The following MAP3K2 variants were observed in gnomAD, a reference collection of about 807,000 sequenced individuals.
MAP3K2 encodes mitogen-activated protein kinase kinase kinase 2.
In MAP3K2, 24 loss-of-function variants were observed where a neutral mutation model predicts 80.3. The ratio of observed to expected loss-of-function variants is 0.30; its 90% CI spans 0.22 to 0.42. MAP3K2 has a LOEUF of 0.42. Ranked by LOEUF, MAP3K2 falls within the 10% of genes least tolerant of loss-of-function variation. The pLI is 1.00. For missense variants in MAP3K2, 608 were observed against 750.1 expected, an observed-to-expected ratio of 0.81 and a Z score of 2.21; for synonymous variants, 244 against 253.7, an observed-to-expected ratio of 0.96 and a Z score of 0.36.
Position 127,323,986 on chromosome 2 carries a change from T to C in MAP3K2, c.754A>G (p.Asn252Asp), listed in dbSNP as rs1380434835. Residue 252 changes from asparagine (N) to aspartate (D), a missense_variant, in exon 11 of 17, where the codon AAC becomes GAC. Coordinates refer to ENST00000682094, the MANE Select transcript of MAP3K2 (RefSeq NM_001371910.2). Reference sequence around the variant, plus strand: ...TTTCCAAATTTCTCAAAGATAGGGTTATCATAGTCTGTTAAGACATATAAG... The same window carrying C: ...TTTCCAAATTTCTCAAAGATAGGGTCATCATAGTCTGTTAAGACATATAAG... ...DNHQEFSDYDNPIFEKFGKGG... is the reference protein window; with the variant it reads ...DNHQEFSDYDDPIFEKFGKGG... 1 of 1,501,030 alleles carries C rather than the reference T, an allele frequency of 6.7e-7. No individual in the cohort carries two copies. 93.0% of individuals were successfully genotyped at this position (1,501,030 alleles called of 1,614,324 possible).
rs1685543500 is a variant in MAP3K2 at position 127,299,215 on chromosome 2, ATT to A, written c.*8362_*8363del. The A allele has an allele frequency of 6.6e-6, 1 of 152,170 alleles. No homozygotes were observed. 9.4% of individuals were successfully genotyped at this position (152,170 alleles called of 1,614,324 possible). ...CGAGTAATTTTACATGGTACCGCATATTTAAAACAAAGTTTTCTTTAATACTA... is the reference window on the plus strand; with the variant it reads ...CGAGTAATTTTACATGGTACCGCATATAAAACAAAGTTTTCTTTAATACTA... On this transcript the variant is annotated 3_prime_UTR_variant, in exon 17 of 17. Transcript: ENST00000682094.
chr2:127,333,458 T>C (rs76603673), intron 5 of MAP3K2, among the ~76,000 whole-genome samples: 1 of 152,090 alleles, frequency 6.6e-6, no homozygotes, highest in African/African-American at 2.4e-5. Flanking sequence ...ACTAGAAAAA[T>C]ATTTATAGAA....
chr2:127,338,520 C>T (rs1175454548), intron 3 of MAP3K2, among the ~76,000 whole-genome samples: 4 of 152,084 alleles, frequency 2.6e-5, no homozygotes, highest in Non-Finnish European at 1.5e-5. Context: ...GTGTCTATTG[C>T]TCCCCTCTAT....
intron 1 of MAP3K2, among the ~76,000 whole-genome samples, chr2:127,383,177 C>A (rs1164819244): frequency 1.3e-5 from 2 of 152,176 alleles, no homozygotes; most frequent in Non-Finnish European, 2.9e-5. Context: ...AGGCACCCAC[C>A]CCCATGATCC....
At chr2:127,382,473 A>T (rs1407096487) in intron 1 of MAP3K2, among the ~76,000 whole-genome samples, 1 of 152,166 alleles carries the variant, frequency 6.6e-6, no homozygotes, top group African/African-American at 2.4e-5. Flanking sequence ...CTAGTTTGAT[A>T]GTTTTCTTCT....
intron 15 of MAP3K2, among the ~76,000 whole-genome samples, chr2:127,312,795 T>C (rs1226014327): frequency 6.6e-6 from 1 of 152,044 alleles, no homozygotes; most frequent in Non-Finnish European, 1.5e-5. Flanking sequence ...AAACCCCGTC[T>C]CTACTAAAAA....
Position 127,308,579 on chromosome 2 carries a change from A to G in MAP3K2, c.1634+6T>C, listed in dbSNP as rs752214503. Reference sequence around the variant, plus strand: ...GTTTTCAAGCAAACTTCGTATCAAAACCTACCAGATGTCTGCTTTTCTTCC... The same window carrying G: ...GTTTTCAAGCAAACTTCGTATCAAAGCCTACCAGATGTCTGCTTTTCTTCC... On this transcript the variant is annotated splice_donor_region_variant and intron_variant, in intron 16 of 16. Transcript: ENST00000682094. The G allele has an allele frequency of 3.2e-6, 5 of 1,546,108 alleles. No individual in the cohort carries two copies. The South Asian group carries it at 6.1e-5, about 19-fold the overall frequency.
intron 1 of MAP3K2, among the ~76,000 whole-genome samples, chr2:127,371,171 T>C (rs1041966758): frequency 5.9e-5 from 9 of 152,216 alleles, no homozygotes; most frequent in African/African-American, 1.7e-4. Context: ...TATGACCCCA[T>C]GGGACTGGTC....
intron 2 of MAP3K2, among the ~76,000 whole-genome samples, chr2:127,342,388 G>GGGGGGGTGTGTGTGTGTGTGT (rs143219830): frequency 1.4e-5 from 2 of 147,744 alleles, no homozygotes; most frequent in African/African-American, 5.0e-5. Context: ...TCTTCATGAG[G>GGGGGGGTGTGTGTGTGTGTGT]GTGTGTGTGT....
At position 127,374,858 on chromosome 2, in the gene MAP3K2, C is replaced by T. The variant is rs1444125449; in HGVS notation, c.-66+12594G>A. 5.9e-5 allele frequency among the ~76,000 whole-genome samples: 9 copies of T among 152,226 alleles called. No individual in the cohort carries two copies. The East Asian group carries it at 1.2e-3, about 20-fold the overall frequency. On this transcript the variant is annotated intron_variant, in intron 1 of 16. Coordinates refer to ENST00000682094, the MANE Select transcript of MAP3K2 (RefSeq NM_001371910.2). ...AACATCCAACATTCCACAGGCATCC[C>T]GTATAACTCCCAAGGACAGGCCATA...
At chr2:127,374,934 G>A (rs1447491665) in intron 1 of MAP3K2, among the ~76,000 whole-genome samples, 1 of 152,036 alleles carries the variant, frequency 6.6e-6, no homozygotes, top group Non-Finnish European at 1.5e-5. Context: ...AAAAAAGGGG[G>A]AATATGAATA....
At chr2:127,350,720 C>T (rs1475691135) in intron 1 of MAP3K2, among the ~76,000 whole-genome samples, 1 of 151,630 alleles carries the variant, frequency 6.6e-6, no homozygotes, top group African/African-American at 2.4e-5. Flanking sequence ...CACACCATCT[C>T]CAAAAAATAA....
chr2:127,376,430 G>T (rs538431088), intron 1 of MAP3K2, among the ~76,000 whole-genome samples: 1 of 152,282 alleles, frequency 6.6e-6, no homozygotes, highest in South Asian at 2.1e-4. Context: ...TGTCAGGGCC[G>T]CAGCTGCTGA....
At chr2:127,311,134 TG>T (rs1274448621) in intron 15 of MAP3K2, among the ~76,000 whole-genome samples, 1 of 152,198 alleles carries the variant, frequency 6.6e-6, no homozygotes, top group Admixed American at 6.5e-5. Context: ...TAGTCAATGA[TG>T]GTTCCCTAAA....
chr2:127,388,164 C>G (rs1687415195), upstream of MAP3K2: 23 of 984,986 alleles, frequency 2.3e-5, no homozygotes, highest in Non-Finnish European at 2.8e-5. Context: ...GATTCCCAGT[C>G]CTGGCTCCGC....
chr2:127,349,876 G>T (rs946071685), intron 1 of MAP3K2, among the ~76,000 whole-genome samples: 1 of 152,004 alleles, frequency 6.6e-6, no homozygotes, highest in Admixed American at 6.6e-5. Context: ...TTTTCAGGTG[G>T]TTTTGTTTTG....
At position 127,298,876 on chromosome 2, in the gene MAP3K2, T is replaced by C. The variant is rs1158485764; in HGVS notation, c.*8703A>G. The C allele has an allele frequency of 6.6e-6, 1 of 152,180 alleles. No homozygotes were observed. Among genetic ancestry groups the C allele is most frequent in the African/African-American group, 2.4e-5 (1 of 41,438 alleles). 9.4% of individuals were successfully genotyped at this position (152,180 alleles called of 1,614,324 possible). A position where few individuals can be genotyped will look rare whatever the true frequency, so the allele number is the denominator to read the frequency against. ...CTCAACAAAATGTGTGCCAACAATATACAAATTTCCATATAAACAAAGTCA... is the reference window on the plus strand; with the variant it reads ...CTCAACAAAATGTGTGCCAACAATACACAAATTTCCATATAAACAAAGTCA... On this transcript the variant is annotated 3_prime_UTR_variant, in exon 17 of 17. Coordinates refer to ENST00000682094, the MANE Select transcript of MAP3K2 (RefSeq NM_001371910.2).
intron 1 of MAP3K2, among the ~76,000 whole-genome samples, chr2:127,348,391 T>C (rs1340208372): frequency 6.6e-6 from 1 of 152,006 alleles, no homozygotes; most frequent in Admixed American, 6.6e-5. Context: ...TCATCTCCAA[T>C]AAATAAATAA....
At chr2:127,327,538 T>C (rs764997998) in intron 7 of MAP3K2, among the ~76,000 whole-genome samples, 2 of 149,382 alleles carry the variant, frequency 1.3e-5, no homozygotes, top group African/African-American at 4.9e-5. Flanking sequence ...AAGATCAATA[T>C]AGTCAATTAC....
Sources: allele counts gnomAD v4.1 joint callset (sites outside exome capture counted in the v4.1 genomes callset), GRCh38; gene constraint gnomAD v4.1.1; transcripts MANE v1.5; gene names NCBI Gene and HGNC (gene_info 2026-07-23, HGNC 2026-07-21).